MEP1A: variants seen among roughly 807,000 people sequenced by gnomAD.
MEP1A encodes the protein meprin A subunit alpha.
In MEP1A, 68 loss-of-function variants were observed where a neutral mutation model predicts 84.5. That is an observed-to-expected ratio of 0.80 (90% confidence interval 0.66 to 0.98). The LOEUF is 0.98. Ranked by LOEUF, MEP1A falls within the 50% of genes least tolerant of loss-of-function variation. The pLI is 0.00. For missense variants in MEP1A, 887 were observed against 919.9 expected (o/e 0.96, Z 0.46); for synonymous variants, 337 against 336.8 (o/e 1.00, Z -0.01).
At position 46,818,777 on chromosome 6, in the gene MEP1A, T is replaced by C. The variant is rs1370668258; in HGVS notation, c.381-752T>C. ...ATTAATTTGCTTTTTAATGAGGATC[T>C]TTTTATGATCATAAAATATATGCTT... On this transcript the variant is annotated intron_variant, in intron 6 of 13. Transcript: ENST00000230588. Among the ~76,000 whole-genome samples the C allele has an allele frequency of 2.6e-5, 4 of 152,188 alleles. No homozygotes were observed. In the East Asian group the frequency reaches 7.7e-4, roughly 29 times the overall value.
At chr6:46,816,382 T>G (rs151023839) in intron 6 of MEP1A, among the ~76,000 whole-genome samples, 1 of 149,734 alleles carries the variant, frequency 6.7e-6, no homozygotes, top group Non-Finnish European at 1.5e-5. Flanking sequence ...CAGGTGGGGG[T>G]GGTGGAGAAA....
At chr6:46,811,298 A>C (rs911076534) in intron 6 of MEP1A, among the ~76,000 whole-genome samples, 1 of 152,056 alleles carries the variant, frequency 6.6e-6, no homozygotes, top group African/African-American at 2.4e-5. Context: ...TAGCAGAGCT[A>C]CTGATTTGTG....
In MEP1A at chr6:46,826,374, G is replaced by T. The variant is rs1767946054; in HGVS notation, c.799G>T (p.Asp267Tyr). 1 of 1,604,894 alleles carries T rather than the reference G, an allele frequency of 6.2e-7. No homozygotes were observed. The highest frequency in any genetic ancestry group is 8.5e-7 in the Non-Finnish European group (1 of 1,175,882). ...YNCTTTHTLL[D>Y]HCTFEKANIC... ...TGCAGCCACAACTCACACTCTTTTG[G>T]ACCACTGTACTTTTGAGAAGGCAAA... The change falls in exon 9 of 14, where the codon GAC becomes TAC. Residue 267 changes from aspartate to tyrosine, a missense_variant. Transcript: ENST00000230588.
chr6:46,819,394 G>A (rs1767714619), intron 6 of MEP1A, 135 bp from the exon 7 acceptor site: 1 of 679,960 alleles, frequency 1.5e-6, no homozygotes, highest in Non-Finnish European at 2.5e-6. Context: ...TGGACCATTA[G>A]CATATGAGAA....
chr6:46,816,575 G>A (rs1381257115), intron 6 of MEP1A, among the ~76,000 whole-genome samples: 1 of 151,714 alleles, frequency 6.6e-6, no homozygotes, highest in Non-Finnish European at 1.5e-5. Context: ...GGAGAAGGAG[G>A]AAGAAGAAGG....
At chr6:46,813,162 A>G (rs72869782) in intron 6 of MEP1A, among the ~76,000 whole-genome samples, 33 of 152,180 alleles carry the variant, frequency 2.2e-4, no homozygotes, top group Admixed American at 5.2e-4. Context: ...TTAGGTAAAT[A>G]TATTTTTAGA....
intron 3 of MEP1A, 101 bp from the exon 4 acceptor site, chr6:46,798,504 TA>T (rs2150739582): frequency 1.0e-6 from 1 of 997,154 alleles, no homozygotes; most frequent in East Asian, 2.4e-5. Context: ...TAAAGATTAA[TA>T]TTCAAAGATT....
chr6:46,796,691 A>G (rs1767056946), intron 3 of MEP1A, among the ~76,000 whole-genome samples: 1 of 152,206 alleles, frequency 6.6e-6, no homozygotes, highest in Admixed American at 6.5e-5. Flanking sequence ...GCTTGCTCTC[A>G]CTGGATGTAC....
At chr6:46,813,008 C>T (rs1767541658) in intron 6 of MEP1A, among the ~76,000 whole-genome samples, 1 of 151,938 alleles carries the variant, frequency 6.6e-6, no homozygotes, top group Admixed American at 6.6e-5. Context: ...AGTTAAAGTC[C>T]ATTGTTTCTT....
At chr6:46,794,476 A>G (rs1048927050) in intron 3 of MEP1A, among the ~76,000 whole-genome samples, 10 of 152,184 alleles carry the variant, frequency 6.6e-5, no homozygotes, top group Non-Finnish European at 1.5e-4. Flanking sequence ...GGGTAGAGTG[A>G]CTTGCTCAAG....
chr6:46,801,878 T>C (rs752635392), intron 5 of MEP1A, among the ~76,000 whole-genome samples: 6 of 152,154 alleles, frequency 3.9e-5, no homozygotes, highest in Non-Finnish European at 8.8e-5. Flanking sequence ...TTAAGTACTC[T>C]TCGCAAGAGT....
At chr6:46,822,301 T>G (rs1284052188) in intron 7 of MEP1A, among the ~76,000 whole-genome samples, 1 of 152,196 alleles carries the variant, frequency 6.6e-6, no homozygotes, top group Non-Finnish European at 1.5e-5. Context: ...GTTTGCTGAC[T>G]GATCCCTGGT....
chr6:46,842,273 A>C (rs1768346848), downstream of MEP1A, among the ~76,000 whole-genome samples: 1 of 152,232 alleles, frequency 6.6e-6, no homozygotes, highest in South Asian at 2.1e-4. Flanking sequence ...AAAGGAAGGT[A>C]ACCATAAGGT....
chr6:46,801,804 A>G (rs1767201932), intron 5 of MEP1A, among the ~76,000 whole-genome samples: 2 of 152,100 alleles, frequency 1.3e-5, no homozygotes, highest in South Asian at 4.1e-4. Context: ...ATTGAGACTG[A>G]TTGGTTGGTA....
intron 13 of MEP1A, among the ~76,000 whole-genome samples, chr6:46,838,205 C>G (rs183950334): frequency 8.6e-4 from 131 of 152,188 alleles, no homozygotes; most frequent in Non-Finnish European, 1.0e-3. Context: ...AAAATGCTGA[C>G]TTCTAATTGT....
intron 5 of MEP1A, among the ~76,000 whole-genome samples, chr6:46,807,558 A>C (rs1767362757): frequency 1.5e-5 from 1 of 67,434 alleles, no homozygotes; most frequent in Non-Finnish European, 2.8e-5. Context: ...GAAAGAAAGA[A>C]AGAAAGAAAG....
chr6:46,797,836 TTCTC>T (rs1303923775), intron 3 of MEP1A, among the ~76,000 whole-genome samples: 24 of 138,742 alleles, frequency 1.7e-4, no homozygotes, highest in Middle Eastern at 3.6e-3. Flanking sequence ...CTTTCTTTCT[TTCTC>T]TCTCTCTTTC....
chr6:46,838,784 G>C (rs1479372364), intron 13 of MEP1A, among the ~76,000 whole-genome samples, 196 bp from the exon 14 acceptor site: 5 of 152,232 alleles, frequency 3.3e-5, no homozygotes, highest in Non-Finnish European at 7.3e-5. Context: ...GAATGGCCAA[G>C]TAATAGCCTC....
At chr6:46,813,978 T>G (rs1767567443) in intron 6 of MEP1A, among the ~76,000 whole-genome samples, 1 of 152,200 alleles carries the variant, frequency 6.6e-6, no homozygotes, top group Non-Finnish European at 1.5e-5. Flanking sequence ...TCACAGCTCT[T>G]AAGATTCTTT....
Sources: gnomAD v4.1 joint callset for allele counts (sites outside exome capture counted in the v4.1 genomes callset) on GRCh38, gnomAD v4.1.1 for gene constraint, MANE v1.5 for transcripts, NCBI Gene and HGNC (gene_info 2026-07-23, HGNC 2026-07-21) for gene names.